Variants in PRKG1 observed in about 807,000 individuals in gnomAD.
The protein encoded by PRKG1 is cGMP-dependent protein kinase 1.
Under a neutral mutation model 88.1 loss-of-function variants are expected in PRKG1, and 35 were observed. The observed-to-expected ratio is 0.40, with a 90% CI of 0.30 to 0.53. PRKG1 has a LOEUF of 0.53. Among genes scored for constraint, PRKG1 ranks in the 20% least tolerant of loss-of-function variants. The pLI, the probability that PRKG1 is intolerant of heterozygous loss-of-function variation, is 0.59. For missense variants in PRKG1, 540 were observed against 839.8 expected (o/e 0.64, Z 4.41); for synonymous variants, 303 against 292.5 (o/e 1.04, Z -0.37).
intron 4 of PRKG1, among the ~76,000 whole-genome samples, chr10:51,852,127 A>G (rs7088201): frequency 6.7e-6 from 1 of 149,192 alleles, no homozygotes; most frequent in Admixed American, 6.7e-5. Flanking sequence ...TTTACATATG[A>G]TATATATATA....
intron 3 of PRKG1, among the ~76,000 whole-genome samples, chr10:51,647,807 A>G (rs1839950877): frequency 6.6e-6 from 1 of 152,182 alleles, no homozygotes; most frequent in South Asian, 2.1e-4. Flanking sequence ...AGTATTTTAG[A>G]ACATTATAAA....
At chr10:51,525,860 C>T (rs1841871487) in intron 3 of PRKG1, among the ~76,000 whole-genome samples, 1 of 149,988 alleles carries the variant, frequency 6.7e-6, no homozygotes, top group Non-Finnish European at 1.5e-5. Context: ...CAGTCTCATT[C>T]TGTCACCCAG....
At chr10:51,163,622 G>C (rs912419245) in intron 2 of PRKG1, among the ~76,000 whole-genome samples, 2 of 152,166 alleles carry the variant, frequency 1.3e-5, no homozygotes, top group African/African-American at 4.8e-5. Flanking sequence ...GCAAGGGGTC[G>C]GGGAGTTCCC....
At chr10:51,522,647 A>T (rs898107741) in intron 3 of PRKG1, among the ~76,000 whole-genome samples, 1 of 152,206 alleles carries the variant, frequency 6.6e-6, no homozygotes, top group African/African-American at 2.4e-5. Flanking sequence ...AAAATAATAA[A>T]AATGTGTTCA....
chr10:51,400,503 C>T (rs780850621), intron 2 of PRKG1, among the ~76,000 whole-genome samples: 1 of 152,106 alleles, frequency 6.6e-6, no homozygotes, highest in Non-Finnish European at 1.5e-5. Flanking sequence ...AGTTCAAACT[C>T]CAGGGTATTT....
intron 2 of PRKG1, among the ~76,000 whole-genome samples, chr10:51,399,591 G>A (rs1329985177): frequency 6.6e-6 from 1 of 152,142 alleles, no homozygotes; most frequent in Non-Finnish European, 1.5e-5. Context: ...CTTTCCTTAT[G>A]TAGAAGAAAA....
intron 3 of PRKG1, among the ~76,000 whole-genome samples, chr10:51,513,463 C>A (rs1425209002): frequency 4.6e-5 from 5 of 108,610 alleles, no homozygotes; most frequent in Non-Finnish European, 9.7e-5. Flanking sequence ...CAAGGATACC[C>A]AGGAATTGAA....
Position 52,155,472 on chromosome 10 carries a change from A to G in PRKG1, c.1002-6417A>G, listed in dbSNP as rs140602268. ...TAGTCATTTCATATTGGATATTTCT[A>G]TGTAACCAGGCGTGTCCTACATGCT... On this transcript the variant is annotated intron_variant, in intron 8 of 17. Transcript: ENST00000373980. Among the ~76,000 whole-genome samples, 5 of 152,136 alleles carry G rather than the reference A, an allele frequency of 3.3e-5. No homozygotes were observed. In the East Asian group the frequency reaches 9.6e-4, roughly 29 times the overall value.
At chr10:52,166,839 G>GTATATATATATGTATATATGTGTATA (rs375678645) in intron 9 of PRKG1, among the ~76,000 whole-genome samples, 1 of 90,484 alleles carries the variant, frequency 1.1e-5, no homozygotes, top group Non-Finnish European at 2.0e-5. Flanking sequence ...GTATATATAT[G>GTATATATATATGTATATATGTGTATA]TATATATATG....
chr10:51,927,979 A>T (rs1842614366), intron 5 of PRKG1, among the ~76,000 whole-genome samples: 1 of 152,178 alleles, frequency 6.6e-6, no homozygotes, highest in African/African-American at 2.4e-5. Flanking sequence ...GTACTAGTAG[A>T]CTGTGGCTTT....
intron 2 of PRKG1, among the ~76,000 whole-genome samples, chr10:51,268,937 T>C (rs1464138092): frequency 1.3e-5 from 2 of 152,178 alleles, no homozygotes; most frequent in Non-Finnish European, 2.9e-5. Context: ...CCATCCACGT[T>C]CTTCTGCCAT....
chr10:51,207,269 T>G (rs1417320705), intron 2 of PRKG1, among the ~76,000 whole-genome samples: 1 of 152,194 alleles, frequency 6.6e-6, no homozygotes, highest in Non-Finnish European at 1.5e-5. Flanking sequence ...TTGATTAACT[T>G]TCAGCTGTTT....
intron 2 of PRKG1, among the ~76,000 whole-genome samples, chr10:51,395,096 C>T (rs1837540523): frequency 6.6e-6 from 1 of 152,126 alleles, no homozygotes; most frequent in Non-Finnish European, 1.5e-5. Flanking sequence ...TTTAAATATG[C>T]ATGCAGTTTG....
At chr10:52,159,581 C>T (rs1247147234) in intron 8 of PRKG1, among the ~76,000 whole-genome samples, 6 of 151,590 alleles carry the variant, frequency 4.0e-5, no homozygotes, top group Non-Finnish European at 8.9e-5. Context: ...CTAAGAATTT[C>T]AAAGTGTATT....
chr10:51,173,822 G>C (rs1380175541), intron 2 of PRKG1, among the ~76,000 whole-genome samples: 1 of 151,756 alleles, frequency 6.6e-6, no homozygotes, highest in Non-Finnish European at 1.5e-5. Flanking sequence ...AAATCAGGCT[G>C]TATGTCATAA....
chr10:51,324,571 CAAAAAAAAAAAA>C (rs34429733), intron 2 of PRKG1, among the ~76,000 whole-genome samples: 1 of 84,450 alleles, frequency 1.2e-5, no homozygotes, highest in East Asian at 4.1e-4. Context: ...ACTAAAAATA[CAAAAAAAAAAAA>C]AAAAAAAAAT....
At chr10:51,022,881 C>T (rs1383314401) in intron 1 of PRKG1, among the ~76,000 whole-genome samples, 4 of 152,086 alleles carry the variant, frequency 2.6e-5, no homozygotes, top group Non-Finnish European at 5.9e-5. Context: ...CCTATAATCC[C>T]AGCTACCTGG....
intron 3 of PRKG1, among the ~76,000 whole-genome samples, chr10:51,759,308 C>G (rs1273751594): frequency 6.6e-6 from 1 of 151,874 alleles, no homozygotes; most frequent in Non-Finnish European, 1.5e-5. Flanking sequence ...GCTGTGTCGC[C>G]CAGGCTGGAG....
intron 1 of PRKG1, among the ~76,000 whole-genome samples, chr10:51,019,116 C>A (rs1044030488): frequency 1.3e-5 from 2 of 152,060 alleles, no homozygotes; most frequent in African/African-American, 4.8e-5. Flanking sequence ...TCATTACTGC[C>A]CACTTACAGC....
Sources: gnomAD v4.1 joint callset for allele counts (sites outside exome capture counted in the v4.1 genomes callset) on GRCh38, gnomAD v4.1.1 for gene constraint, MANE v1.5 for transcripts, NCBI Gene and HGNC (gene_info 2026-07-23, HGNC 2026-07-21) for gene names.